CMSS1: variants seen among roughly 807,000 people sequenced by gnomAD.
CMSS1 encodes the protein cms1 ribosomal small subunit homolog, also known as protein CMSS1.
In CMSS1, 33 loss-of-function variants were observed where a neutral mutation model predicts 43.5. That is an observed-to-expected ratio of 0.76 (90% CI 0.57 to 1.01). CMSS1 has a LOEUF of 1.01. Among genes scored for constraint, CMSS1 ranks in the 50% least tolerant of loss-of-function variants. The probability of loss-of-function intolerance (pLI) is 0.00; values close to 1 mark genes in which losing one functional copy is unlikely to be tolerated. For missense variants in CMSS1, 313 were observed against 326.4 expected (o/e 0.96, Z 0.32); for synonymous variants, 115 against 117.2 (o/e 0.98, Z 0.12).
intron 1 of CMSS1, among the ~76,000 whole-genome samples, chr3:99,833,697 T>C (rs1463693946): frequency 6.6e-6 from 1 of 152,242 alleles, no homozygotes; most frequent in East Asian, 1.9e-4. Flanking sequence ...GGAGCGGTCC[T>C]GACTCCAGGG....
chr3:99,839,999 T>C (rs1943059606), intron 1 of CMSS1, among the ~76,000 whole-genome samples: 1 of 152,132 alleles, frequency 6.6e-6, no homozygotes, highest in Non-Finnish European at 1.5e-5. Context: ...TCAGGGAATA[T>C]TTAGCCATGT....
At chr3:100,030,305 G>A (rs1257698932) in intron 1 of CMSS1, among the ~76,000 whole-genome samples, 2 of 152,142 alleles carry the variant, frequency 1.3e-5, no homozygotes, top group Non-Finnish European at 2.9e-5. Flanking sequence ...GCCACCAGAA[G>A]TCAGTGATCA....
intron 1 of CMSS1, among the ~76,000 whole-genome samples, chr3:99,983,442 GTATGTATATATA>G (rs1709208149): frequency 8.3e-5 from 1 of 12,012 alleles, no homozygotes; most frequent in Non-Finnish European, 1.6e-4. Context: ...GTATATATAT[GTATGTATATATA>G]TATATGTGTG....
chr3:100,116,956 T>C (rs2066575773), intron 1 of CMSS1, among the ~76,000 whole-genome samples: 1 of 152,216 alleles, frequency 6.6e-6, no homozygotes, highest in Non-Finnish European at 1.5e-5. Context: ...TTTCATGTTC[T>C]TTCTATACCA....
intron 1 of CMSS1, among the ~76,000 whole-genome samples, chr3:100,115,617 C>CTCTCTCTCTG (rs2066558424): frequency 7.1e-6 from 1 of 140,510 alleles, no homozygotes; most frequent in African/African-American, 2.7e-5. Flanking sequence ...CTCTCTCTCT[C>CTCTCTCTCTG]TCTCTCTCTC....
chr3:99,849,592 G>C (rs1199730486), intron 1 of CMSS1: 1 of 1,613,520 alleles, frequency 6.2e-7, no homozygotes, highest in Admixed American at 1.7e-5. Flanking sequence ...TTCATGGCTG[G>C]TCTCTGTCTT....
Position 99,910,341 on chromosome 3 carries a change from C to G in CMSS1, c.64+92298C>G, listed in dbSNP as rs1269840245. On this transcript the variant is annotated intron_variant, in intron 1 of 9. Coordinates refer to ENST00000421999, the MANE Select transcript of CMSS1 (RefSeq NM_032359.4). ...TTTGGGACACACTGACTCACACTGT[C>G]GACTGATAGAATGCAAACACATTCA... 1.5e-5 allele frequency among the ~76,000 whole-genome samples: 2 copies of G among 136,668 alleles called. 1 individual carries two copies. The highest frequency in any genetic ancestry group is 1.6e-4 in the Admixed American group (2 of 12,892). 89.7% of individuals were successfully genotyped at this position (136,668 alleles called of 152,430 possible). A position where few individuals can be genotyped will look rare whatever the true frequency, so the allele number is the denominator to read the frequency against.
chr3:99,935,610 A>G (rs925426065), intron 1 of CMSS1, among the ~76,000 whole-genome samples: 1 of 152,130 alleles, frequency 6.6e-6, no homozygotes, highest in African/African-American at 2.4e-5. Context: ...TTTGACCTCT[A>G]CCCTGTTCCT....
chr3:99,893,239 C>T (rs1340873410), intron 1 of CMSS1, among the ~76,000 whole-genome samples: 1 of 148,318 alleles, frequency 6.7e-6, no homozygotes, highest in Non-Finnish European at 1.5e-5. Flanking sequence ...AATCTCGGCT[C>T]ACTGCAACCT....
chr3:100,116,819 C>G (rs541582332), intron 1 of CMSS1, among the ~76,000 whole-genome samples: 11 of 152,144 alleles, frequency 7.2e-5, no homozygotes, highest in Non-Finnish European at 8.8e-5. Context: ...TGCTCATTGC[C>G]CCTGTGGGTA....
intron 1 of CMSS1, among the ~76,000 whole-genome samples, chr3:100,106,391 C>G (rs2066395901): frequency 6.6e-6 from 1 of 152,094 alleles, no homozygotes; most frequent in Non-Finnish European, 1.5e-5. Flanking sequence ...TCCCATCTAG[C>G]CAGATTTATT....
chr3:99,924,526 T>C, intron 1 of CMSS1: 1 of 1,065,066 alleles, frequency 9.4e-7, no homozygotes, highest in Non-Finnish European at 1.4e-6. Flanking sequence ...GGTTTTTTGT[T>C]TGTTTGTTTT....
intron 1 of CMSS1, among the ~76,000 whole-genome samples, chr3:99,983,659 CA>C (rs1161637163): frequency 8.5e-4 from 124 of 145,498 alleles, no homozygotes; most frequent in African/African-American, 2.9e-3. Context: ...CACTGCACTC[CA>C]GCCTGGGTGA....
intron 1 of CMSS1, among the ~76,000 whole-genome samples, chr3:99,926,210 A>C (rs1030855847): frequency 6.6e-6 from 1 of 152,260 alleles, no homozygotes; most frequent in African/African-American, 2.4e-5. Flanking sequence ...TCAGAAAAAG[A>C]GTACAACTGA....
intron 1 of CMSS1, among the ~76,000 whole-genome samples, chr3:100,117,855 A>ACGTATATATATATATATATATACG (rs1491350434): frequency 4.3e-4 from 19 of 44,302 alleles, no homozygotes; most frequent in Non-Finnish European, 9.6e-4. Flanking sequence ...ATATATATAC[A>ACGTATATATATATATATATATACG]TATATATATA....
chr3:100,115,409 A>G (rs923766940), intron 1 of CMSS1, among the ~76,000 whole-genome samples: 2 of 152,190 alleles, frequency 1.3e-5, no homozygotes, highest in Non-Finnish European at 2.9e-5. Flanking sequence ...TCCAAAGCCC[A>G]TGCTCTTTAT....
intron 1 of CMSS1, among the ~76,000 whole-genome samples, chr3:100,048,011 A>G (rs1246637013): frequency 6.6e-6 from 1 of 152,138 alleles, no homozygotes; most frequent in African/African-American, 2.4e-5. Context: ...ACTGGGCCAT[A>G]GCTTGTGAAA....
intron 4 of CMSS1, among the ~76,000 whole-genome samples, chr3:100,162,756 T>A (rs920201778): frequency 6.6e-6 from 1 of 152,328 alleles, no homozygotes; most frequent in Admixed American, 6.5e-5. Flanking sequence ...GGTGGATCAC[T>A]TGAGGTCAAG....
chr3:99,924,578 G>A (rs1394734510), intron 1 of CMSS1, among the ~76,000 whole-genome samples: 1 of 152,180 alleles, frequency 6.6e-6, no homozygotes, highest in Non-Finnish European at 1.5e-5. Context: ...GAGTGCAATG[G>A]CGCGATCTCG....
Sources: allele counts gnomAD v4.1 joint callset (sites outside exome capture counted in the v4.1 genomes callset), GRCh38; gene constraint gnomAD v4.1.1; transcripts MANE v1.5; gene names NCBI Gene and HGNC (gene_info 2026-07-23, HGNC 2026-07-21).